The following COLGALT2 variants were observed in gnomAD, a reference collection of about 807,000 sequenced individuals.
COLGALT2 encodes the protein procollagen galactosyltransferase 2.
COLGALT2 carries 49 observed loss-of-function variants against 73.4 expected under a neutral mutation model. The observed-to-expected ratio is 0.67, with a 90% CI of 0.53 to 0.85. The LOEUF is 0.85. Ranked by LOEUF, COLGALT2 falls within the 40% of genes least tolerant of loss-of-function variation. The probability of loss-of-function intolerance (pLI) is 0.00; values close to 1 mark genes in which losing one functional copy is unlikely to be tolerated. For synonymous variants in COLGALT2, 295 were observed against 307.6 expected (o/e 0.96, Z 0.43); for missense variants, 722 against 790.2 (o/e 0.91, Z 1.03).
intron 1 of COLGALT2, among the ~76,000 whole-genome samples, chr1:184,001,810 C>T (rs1028375124): frequency 2.0e-5 from 3 of 152,096 alleles, no homozygotes; most frequent in Non-Finnish European, 4.4e-5. Flanking sequence ...CATGAAATGC[C>T]CTGCTTCCTG....
At chr1:183,933,288 G>A (rs1669882751), downstream of COLGALT2, among the ~76,000 whole-genome samples, 1 of 152,064 alleles carries the variant, frequency 6.6e-6, no homozygotes, top group Non-Finnish European at 1.5e-5. Context: ...TTCTCTCCCA[G>A]ACTGTGCTCT....
intron 10 of COLGALT2, among the ~76,000 whole-genome samples, chr1:183,942,243 C>T (rs928696279): frequency 4.6e-5 from 7 of 151,944 alleles, no homozygotes; most frequent in African/African-American, 1.2e-4. Context: ...CCACTGCGCC[C>T]AGCCCAGTTT....
In COLGALT2 at chr1:183,937,668, G is replaced by A. The variant is rs113981005; in HGVS notation, c.*1093C>T. 617 of 985,356 alleles carry A rather than the reference G, an allele frequency of 6.3e-4. 3 individuals carry two copies. The African/African-American group carries it at 0.01, about 16-fold the overall frequency. The allele number at this position is 985,356 out of a possible 1,614,324, so 61.0% of individuals were successfully genotyped here. ...GAGAATCAGATTGCCGAACCAATGTGTCCACACCCACCACTCCCCCGGGTG... is the reference window on the plus strand; with the variant it reads ...GAGAATCAGATTGCCGAACCAATGTATCCACACCCACCACTCCCCCGGGTG... On this transcript the variant is annotated 3_prime_UTR_variant, in exon 12 of 12. Coordinates refer to ENST00000361927, the MANE Select transcript of COLGALT2 (RefSeq NM_015101.4).
chr1:183,986,650 TA>T (rs1274103580), intron 1 of COLGALT2, among the ~76,000 whole-genome samples: 1 of 152,222 alleles, frequency 6.6e-6, no homozygotes, highest in Non-Finnish European at 1.5e-5. Flanking sequence ...ATAATTGAGC[TA>T]TTTTTTATAC....
chr1:183,945,522 C>A lies in COLGALT2; in HGVS notation c.1179G>T (p.Met393Ile). Reference sequence around the variant, plus strand: ...AATAGGGATCTCGATAGCCAGGCAGCATTTCAATATTCAGTGCCTTCAGCT... The same window carrying A: ...AATAGGGATCTCGATAGCCAGGCAGAATTTCAATATTCAGTGCCTTCAGCT... Reference protein sequence around the residue: ...TSQLKALNIEMLPGYRDPYSS... With the variant: ...TSQLKALNIEILPGYRDPYSS... The change falls in exon 9 of 12, where the codon ATG becomes ATT. Residue 393 changes from methionine (M) to isoleucine (I), a missense_variant. By Grantham distance (10) the Met-to-Ile change is conservative. Coordinates refer to ENST00000361927, the MANE Select transcript of COLGALT2 (RefSeq NM_015101.4). The A allele has an allele frequency of 6.2e-7, 1 of 1,614,182 alleles. No homozygotes were observed. The highest frequency in any genetic ancestry group is 8.5e-7 in the Non-Finnish European group (1 of 1,180,032).
At chr1:184,034,273 AT>A (rs1167454942) in intron 1 of COLGALT2, among the ~76,000 whole-genome samples, 1 of 121,056 alleles carries the variant, frequency 8.3e-6, no homozygotes, top group Non-Finnish European at 1.7e-5. Context: ...TTGATGCCCT[AT>A]TATCTTTTTT....
chr1:183,955,556 T>C (rs1670529703), intron 6 of COLGALT2, among the ~76,000 whole-genome samples: 1 of 152,294 alleles, frequency 6.6e-6, no homozygotes. Context: ...TCTTCAATAA[T>C]GAAAGTTTTA....
intron 5 of COLGALT2, among the ~76,000 whole-genome samples, chr1:183,967,006 A>G (rs1670894211): frequency 6.6e-6 from 1 of 152,200 alleles, no homozygotes; most frequent in Non-Finnish European, 1.5e-5. Flanking sequence ...AGAACAAAAG[A>G]ATACCAATCA....
Position 183,960,601 on chromosome 1 carries a change from C to T in COLGALT2, c.952+3300G>A, listed in dbSNP as rs138255604. Reference sequence around the variant, plus strand: ...GAATCCCTAGTACCTTCAGAGAAGACGCATACATTACAGGCATTCTATGTT... The same window carrying T: ...GAATCCCTAGTACCTTCAGAGAAGATGCATACATTACAGGCATTCTATGTT... On this transcript the variant is annotated intron_variant, in intron 6 of 11. Coordinates refer to ENST00000361927, the MANE Select transcript of COLGALT2 (RefSeq NM_015101.4). 2.7e-3 allele frequency among the ~76,000 whole-genome samples: 418 copies of T among 152,304 alleles called. 3 individuals carry two copies. The highest frequency in any genetic ancestry group is 1.5e-3 in the East Asian group (8 of 5,190).
intron 1 of COLGALT2, among the ~76,000 whole-genome samples, chr1:183,988,553 C>A (rs138912123): frequency 2.0e-5 from 3 of 152,280 alleles, no homozygotes; most frequent in East Asian, 3.9e-4. Context: ...TATGGATTTG[C>A]CTATTCTCGT....
intron 2 of COLGALT2, 129 bp from the exon 3 acceptor site, chr1:183,975,343 T>C: frequency 3.4e-6 from 2 of 593,912 alleles, no homozygotes; most frequent in Non-Finnish European, 5.8e-6. Context: ...ATTGTTATCA[T>C]CATCCCCATA....
chr1:183,978,589 C>T, intron 1 of COLGALT2, 69 bp from the exon 2 acceptor site: 2 of 888,200 alleles, frequency 2.3e-6, no homozygotes, highest in South Asian at 1.7e-5. Flanking sequence ...TCCAAAAGAC[C>T]CCTGACTAAC....
chr1:183,995,996 C>G (rs1290574932), intron 1 of COLGALT2, among the ~76,000 whole-genome samples: 1 of 152,176 alleles, frequency 6.6e-6, no homozygotes, highest in Non-Finnish European at 1.5e-5. Context: ...CTTTTAAACT[C>G]TTTTACCTGA....
intron 6 of COLGALT2, among the ~76,000 whole-genome samples, chr1:183,959,307 G>A (rs1670634304): frequency 6.6e-6 from 1 of 152,088 alleles, no homozygotes; most frequent in Non-Finnish European, 1.5e-5. Context: ...TCTCTAGCTG[G>A]AGTTTCTTCC....
At chr1:183,988,827 T>C (rs1671557105) in intron 1 of COLGALT2, among the ~76,000 whole-genome samples, 1 of 152,210 alleles carries the variant, frequency 6.6e-6, no homozygotes, top group Non-Finnish European at 1.5e-5. Flanking sequence ...TGTGAACATA[T>C]GGTTTCATTT....
Position 183,937,897 on chromosome 1 carries a change from C to T in COLGALT2, c.*864G>A, listed in dbSNP as rs1384591838. On this transcript the variant is annotated 3_prime_UTR_variant, in exon 12 of 12. Transcript: ENST00000361927. ...CCAGGCTAAGGGGTGGAGCGGAGAG[C>T]GTGAAGCTCTGTAGCAGCGCGCAAA... 30 of 985,288 alleles carry T rather than the reference C, an allele frequency of 3.0e-5. No individual in the cohort carries two copies. In the South Asian group the frequency reaches 4.2e-4, roughly 14 times the overall value. 61.0% of individuals were successfully genotyped at this position (985,288 alleles called of 1,614,324 possible). A position where few individuals can be genotyped will look rare whatever the true frequency, so the allele number is the denominator to read the frequency against.
At position 184,026,270 on chromosome 1, in the gene COLGALT2, G is replaced by A. The variant is rs150565785; in HGVS notation, c.263+10825C>T. Among the ~76,000 whole-genome samples, 63 of 152,162 alleles carry A rather than the reference G, an allele frequency of 4.1e-4. 2 individuals carry two copies. In the East Asian group the frequency reaches 0.01, roughly 24 times the overall value. On this transcript the variant is annotated intron_variant, in intron 1 of 11. Transcript: ENST00000361927. ...ATCTCCAGGTGATTGTTATTTTCTT[G>A]GTGGGATGTGCTAAGCTGTGGTATG...
rs1669995372 is a variant in COLGALT2, at chr1:183,937,705, T to G, written c.*1056A>C. On this transcript the variant is annotated 3_prime_UTR_variant, in exon 12 of 12. Transcript: ENST00000361927. The stretch of plus-strand genomic sequence containing the variant: ...CACTCCCCCGGGTGCCGTGGAAGTC[T>G]GCAACATCTGTTTCTCTGCCTTATC... The G allele has an allele frequency of 1.0e-6, 1 of 985,358 alleles. No individual in the cohort carries two copies. The highest frequency in any genetic ancestry group is 1.2e-6 in the Non-Finnish European group (1 of 829,946). 61.0% of individuals were successfully genotyped at this position (985,358 alleles called of 1,614,324 possible). A position where few individuals can be genotyped will look rare whatever the true frequency, so the allele number is the denominator to read the frequency against.
chr1:183,989,742 T>C lies in COLGALT2; in HGVS notation c.264-11222A>G, dbSNP rs937772019. On this transcript the variant is annotated intron_variant, in intron 1 of 11. Transcript: ENST00000361927. ...ATAAAAAGTATGAAGTCAGGAGGCATGGCTCTTTCACCAATTAACTCTGTA... is the reference window on the plus strand; with the variant it reads ...ATAAAAAGTATGAAGTCAGGAGGCACGGCTCTTTCACCAATTAACTCTGTA... 2.6e-5 allele frequency among the ~76,000 whole-genome samples: 4 copies of C among 152,368 alleles called. No homozygotes were observed. The East Asian group carries it at 7.7e-4, about 29-fold the overall frequency.
Sources: gnomAD v4.1 joint callset for allele counts (sites outside exome capture counted in the v4.1 genomes callset) on GRCh38, gnomAD v4.1.1 for gene constraint, MANE v1.5 for transcripts, NCBI Gene and HGNC (gene_info 2026-07-23, HGNC 2026-07-21) for gene names.